Variants in TNFSF11 observed in about 807,000 individuals in gnomAD.
TNFSF11 encodes the protein tumor necrosis factor ligand superfamily member 11.
Under a neutral mutation model 32.2 loss-of-function variants are expected in TNFSF11, and 12 were observed. That is an observed-to-expected ratio of 0.37 (90% CI 0.24 to 0.60). The LOEUF (loss-of-function observed/expected upper bound fraction) is 0.60, where lower values mean the gene tolerates loss of function less well. Among genes scored for constraint, TNFSF11 ranks in the 20% least tolerant of loss-of-function variants. The pLI is 0.66. For missense variants in TNFSF11, 345 were observed against 398.0 expected (o/e 0.87, Z 1.13); for synonymous variants, 172 against 152.1 (o/e 1.13, Z -0.96).
chr13:42,585,165 C>T (rs1440703900), intron 2 of TNFSF11, among the ~76,000 whole-genome samples: 1 of 152,182 alleles, frequency 6.6e-6, no homozygotes, highest in Non-Finnish European at 1.5e-5. Flanking sequence ...ACACATCTTG[C>T]CAAAATAATC....
chr13:42,604,230 A>C (rs1483462589), intron 4 of TNFSF11, among the ~76,000 whole-genome samples: 1 of 152,190 alleles, frequency 6.6e-6, no homozygotes, highest in Non-Finnish European at 1.5e-5. Context: ...TGAGATGGGA[A>C]ACATCTTGAA....
chr13:42,578,287 C>T (rs1001176155), intron 1 of TNFSF11, among the ~76,000 whole-genome samples: 10 of 152,164 alleles, frequency 6.6e-5, no homozygotes, highest in Non-Finnish European at 1.3e-4. Context: ...TCAGTCAGTT[C>T]GTGGGCATTT....
chr13:42,602,058 A>C (rs982412599), intron 4 of TNFSF11, among the ~76,000 whole-genome samples: 2 of 152,230 alleles, frequency 1.3e-5, no homozygotes, highest in Non-Finnish European at 2.9e-5. Flanking sequence ...GAAAGAATTC[A>C]AAGCCCTTAT....
At chr13:42,576,342 C>G (rs1873313439) in intron 1 of TNFSF11, among the ~76,000 whole-genome samples, 1 of 151,916 alleles carries the variant, frequency 6.6e-6, no homozygotes, top group Non-Finnish European at 1.5e-5. Context: ...CAGCTTTTCC[C>G]TAGGAATTCT....
At chr13:42,591,823 C>G (rs1035641817) in intron 2 of TNFSF11, among the ~76,000 whole-genome samples, 1 of 152,178 alleles carries the variant, frequency 6.6e-6, no homozygotes, top group South Asian at 2.1e-4. Context: ...GAAATAAGAG[C>G]GTTGCAATTA....
intron 2 of TNFSF11, among the ~76,000 whole-genome samples, chr13:42,589,502 C>T (rs770354964): frequency 2.0e-5 from 3 of 152,174 alleles, no homozygotes; most frequent in Non-Finnish European, 4.4e-5. Context: ...TTCAGTAGAT[C>T]GCTGTGGTTG....
At position 42,574,300 on chromosome 13, in the gene TNFSF11, C is replaced by A. The variant is rs781185506; in HGVS notation, c.-4C>A. ...AGAGCTCCGAAGCGAGAGGGCCGAG[C>A]GCCATGCGCCGCGCCAGCAGAGACT... On this transcript the variant is annotated 5_prime_UTR_variant, in exon 1 of 5. Transcript: ENST00000398795. The A allele has an allele frequency of 2.6e-6, 4 of 1,545,032 alleles. No individual in the cohort carries two copies. The African/African-American group carries it at 4.1e-5, about 16-fold the overall frequency.
chr13:42,585,387 G>A (rs1594466983), intron 2 of TNFSF11, among the ~76,000 whole-genome samples: 1 of 152,170 alleles, frequency 6.6e-6, no homozygotes, highest in Non-Finnish European at 1.5e-5. Flanking sequence ...ATATGTGTGC[G>A]AAAAGTGGTG....
chr13:42,577,676 A>C (rs1385683247), intron 1 of TNFSF11, among the ~76,000 whole-genome samples: 1 of 152,146 alleles, frequency 6.6e-6, no homozygotes, highest in African/African-American at 2.4e-5. Context: ...CCCAATATGC[A>C]CAAACCAACC....
chr13:42,599,907 C>G (rs974438828), intron 2 of TNFSF11, among the ~76,000 whole-genome samples: 3 of 152,146 alleles, frequency 2.0e-5, no homozygotes, highest in Non-Finnish European at 4.4e-5. Context: ...CACATTATCT[C>G]CTTTAGTCTT....
chr13:42,582,716 C>T (rs951132429), intron 2 of TNFSF11, among the ~76,000 whole-genome samples: 1 of 152,180 alleles, frequency 6.6e-6, no homozygotes, highest in African/African-American at 2.4e-5. Context: ...ATTCAGTGAT[C>T]CTTAATGTTA....
intron 4 of TNFSF11, 122 bp from the exon 5 acceptor site, chr13:42,606,375 G>C (rs1163926329): frequency 3.3e-6 from 4 of 1,216,498 alleles, no homozygotes; most frequent in Non-Finnish European, 4.7e-6. Flanking sequence ...ATGCCAATAA[G>C]TTATTCTCCC....
chr13:42,587,130 C>A (rs867418295), intron 2 of TNFSF11, among the ~76,000 whole-genome samples: 8 of 152,282 alleles, frequency 5.3e-5, no homozygotes, highest in Middle Eastern at 3.4e-3. Flanking sequence ...TCAGCATGAA[C>A]CTTCCATCTC....
chr13:42,606,848 A>G lies in TNFSF11; in HGVS notation c.884A>G (p.Asn295Ser), dbSNP rs1181925850. ...SGEEISIEVS[N>S]PSLLDPDQDA... is the part of the protein sequence containing the mutation. The stretch of plus-strand genomic sequence containing the variant: ...GAGGAAATCAGCATCGAGGTCTCCA[A>G]CCCCTCCTTACTGGATCCGGATCAG... Residue 295 changes from asparagine (N) to serine (S), a missense_variant, in exon 5 of 5, where the codon AAC (asparagine) becomes AGC (serine). This residue lies in a region of TNFSF11 where 148 missense variants were observed against 216.0 expected (regional missense o/e 0.69). Transcript: ENST00000398795. 1.2e-6 allele frequency: 2 copies of G among 1,613,960 alleles called. No homozygotes were observed. Among genetic ancestry groups the G allele is most frequent in the Admixed American group, 1.7e-5 (1 of 59,976 alleles).
In TNFSF11 at chr13:42,606,639, T is replaced by C; in HGVS notation, c.675T>C (p.His225=). The C allele has an allele frequency of 6.2e-7, 1 of 1,614,212 alleles. No homozygotes were observed. The highest frequency in any genetic ancestry group is 1.1e-5 in the South Asian group (1 of 91,086). The change falls in exon 5 of 5, where the codon CAT becomes CAC. Residue 225 remains histidine, a synonymous_variant. Coordinates refer to ENST00000398795, the MANE Select transcript of TNFSF11 (RefSeq NM_003701.4). The stretch of plus-strand genomic sequence containing the variant: ...ATGCCAACATTTGCTTTCGACATCA[T>C]GAAACTTCAGGAGACCTAGCTACAG... ...YLYANICFRH[H]ETSGDLATEY...
chr13:42,592,157 G>A (rs544743172), intron 2 of TNFSF11, among the ~76,000 whole-genome samples: 2 of 152,296 alleles, frequency 1.3e-5, no homozygotes, highest in South Asian at 4.1e-4. Flanking sequence ...GGCACTAATT[G>A]GATGTTCTGC....
At chr13:42,592,222 G>T (rs185848407) in intron 2 of TNFSF11, among the ~76,000 whole-genome samples, 2 of 152,102 alleles carry the variant, frequency 1.3e-5, no homozygotes, top group African/African-American at 4.8e-5. Context: ...CAGGTTAAAG[G>T]CTCAGCCCCA....
intron 2 of TNFSF11, among the ~76,000 whole-genome samples, chr13:42,567,627 C>T (rs1872913129): frequency 6.6e-6 from 1 of 152,140 alleles, no homozygotes; most frequent in East Asian, 1.9e-4. Flanking sequence ...AGTTCCCAAC[C>T]ATGATGGGAT....
intron 2 of TNFSF11, among the ~76,000 whole-genome samples, chr13:42,598,240 T>G (rs568357032): frequency 3.9e-5 from 6 of 152,202 alleles, no homozygotes; most frequent in African/African-American, 1.4e-4. Context: ...CTTCTCCCCT[T>G]CCCCATCTCT....
Sources: gnomAD v4.1 joint callset for allele counts (sites outside exome capture counted in the v4.1 genomes callset) on GRCh38, gnomAD v4.1.1 for gene constraint, gnomAD v4.1.1 regional missense constraint, MANE v1.5 for transcripts, NCBI Gene and HGNC (gene_info 2026-07-23, HGNC 2026-07-21) for gene names.